VIL1: variants seen among roughly 807,000 people sequenced by gnomAD.
VIL1 encodes villin-1.
VIL1 carries 86 observed loss-of-function variants against 104.0 expected under a neutral mutation model. The observed-to-expected ratio is 0.83, with a 90% confidence interval of 0.69 to 0.99. VIL1 has a LOEUF of 0.99. Among genes scored for constraint, VIL1 ranks in the 50% least tolerant of loss-of-function variants. VIL1 has a pLI of 0.00. For synonymous variants in VIL1, 394 were observed against 412.6 expected (o/e 0.95, Z 0.55); for missense variants, 944 against 1,054.1 (o/e 0.90, Z 1.45).
intron 19 of VIL1, among the ~76,000 whole-genome samples, chr2:218,442,991 T>C (rs1327721316): frequency 6.6e-6 from 1 of 152,172 alleles, no homozygotes; most frequent in African/African-American, 2.4e-5. Context: ...GATCCCTGTA[T>C]GATGACAAGC....
intron 1 of VIL1, among the ~76,000 whole-genome samples, chr2:218,421,627 C>T (rs761967408): frequency 8.5e-5 from 13 of 152,062 alleles, no homozygotes; most frequent in Non-Finnish European, 1.6e-4. Flanking sequence ...GGGTATACAC[C>T]AGGTAGGGGG....
At position 218,440,911 on chromosome 2, in the gene VIL1, C is replaced by T. The variant is rs13012446; in HGVS notation, c.2370+49C>T. 3.1e-3 allele frequency: 4,990 copies of T among 1,603,598 alleles called. 13 individuals carry two copies. The highest frequency in any genetic ancestry group is 3.7e-3 in the Non-Finnish European group (4,340 of 1,174,180). On this transcript the variant is annotated intron_variant, in intron 19 of 19. Transcript: ENST00000248444. ...ACAAAGAAGTCCATTTGTTGGACCA[C>T]CATAGTTGACTCCCAGATTTGGCCC...
chr2:218,440,642 A>G (rs1689270395), intron 18 of VIL1, 80 bp from the exon 19 acceptor site: 2 of 1,575,790 alleles, frequency 1.3e-6, no homozygotes, highest in Non-Finnish European at 1.7e-6. Context: ...GTGGTGCCCT[A>G]GAGACTTCAG....
Position 218,440,729 on chromosome 2 carries a change from CA to C in VIL1, c.2239del (p.Ser747AlafsTer26). 1.9e-6 allele frequency: 3 copies of C among 1,613,918 alleles called. No individual in the cohort carries two copies. The highest frequency in any genetic ancestry group is 2.5e-6 in the Non-Finnish European group (3 of 1,179,882). ...RDWSQITAEV[T>X]SPKVDVFNAN... The stretch of plus-strand genomic sequence containing the variant: ...TTTCCTTTTCTTTCCTAGGAGGTCA[CA>C]AGCCCCAAAGTGGACGTGTTCAATG... On this transcript the variant is annotated frameshift_variant, in exon 19 of 20. Transcript: ENST00000248444. LOFTEE classifies it high-confidence loss of function.
chr2:218,435,401 T>TGGGTG lies in VIL1; in HGVS notation c.1796_1800dup (p.Lys601ValfsTer54). 6.2e-7 allele frequency: 1 copy of TGGGTG among 1,614,108 alleles called. No individual in the cohort carries two copies. The highest frequency in any genetic ancestry group is 8.5e-7 in the Non-Finnish European group (1 of 1,179,988). On this transcript the variant is annotated frameshift_variant, in exon 15 of 20. Coordinates refer to ENST00000248444, the MANE Select transcript of VIL1 (RefSeq NM_007127.3). LOFTEE classifies it high-confidence loss of function. ...GAGCCAGCCAACTTCTGGATGGCCCTGGGTGGGAAGGCCCCCTATGCCAAC... is the reference window on the plus strand; with the variant it reads ...GAGCCAGCCAACTTCTGGATGGCCCTGGGTGGGGTGGGAAGGCCCCCTATGCCAAC...
At chr2:218,421,341 G>T (rs1216216228) in intron 1 of VIL1, among the ~76,000 whole-genome samples, 1 of 152,136 alleles carries the variant, frequency 6.6e-6, no homozygotes, top group African/African-American at 2.4e-5. Flanking sequence ...TGCACAGATG[G>T]CTGACTTTGG....
In VIL1 at chr2:218,446,656, A is replaced by C. The variant is rs186321155; in HGVS notation, c.2371-2567A>C. Among the ~76,000 whole-genome samples, 16 of 152,274 alleles carry C rather than the reference A, an allele frequency of 1.1e-4. No homozygotes were observed. The East Asian group carries it at 2.9e-3, about 28-fold the overall frequency. On this transcript the variant is annotated intron_variant, in intron 19 of 19. Transcript: ENST00000248444. ...TTTACCTTGCAGGTCTGGGAGTTGA[A>C]AGCTGACAAGAGGGCTTTATAGTAT...
Position 218,423,817 on chromosome 2 carries a change from C to T in VIL1, c.39C>T (p.Asn13=). Residue 13 remains asparagine, a synonymous_variant, in exon 2 of 20, where the codon AAC becomes AAT. Coordinates refer to ENST00000248444, the MANE Select transcript of VIL1 (RefSeq NM_007127.3). ...GCGCCCAAGTCAAAGGCTCTCTCAA[C>T]ATCACCACCCCGGGGCTGCAGATAT... ...KLSAQVKGSL[N]ITTPGLQIWR... 4.3e-6 allele frequency: 7 copies of T among 1,614,200 alleles called. No homozygotes were observed. The highest frequency in any genetic ancestry group is 5.1e-6 in the Non-Finnish European group (6 of 1,180,022).
At position 218,437,399 on chromosome 2, in the gene VIL1, T is replaced by C. The variant is rs528914211; in HGVS notation, c.2160+87T>C. On this transcript the variant is annotated intron_variant, in intron 17 of 19. Transcript: ENST00000248444. ...TGCAGGCCATTCTGTCTCTTTGGGA[T>C]ATATGACCTGCTGATTTAGAAAGGG... 24 of 1,482,996 alleles carry C rather than the reference T, an allele frequency of 1.6e-5. No homozygotes were observed. In the East Asian group the frequency reaches 5.5e-4, roughly 34 times the overall value. The allele number at this position is 1,482,996 out of a possible 1,614,324, so 91.9% of individuals were successfully genotyped here. A position where few individuals can be genotyped will look rare whatever the true frequency, so the allele number is the denominator to read the frequency against.
At position 218,440,757 on chromosome 2, in the gene VIL1, T is replaced by A. The variant is rs1689272035; in HGVS notation, c.2265T>A (p.Ala755=). 1.2e-6 allele frequency: 2 copies of A among 1,614,080 alleles called. No homozygotes were observed. Among genetic ancestry groups the A allele is most frequent in the Admixed American group, 1.7e-5 (1 of 60,006 alleles). ...VTSPKVDVFN[A]NSNLSSGPLP... ...GCCCCAAAGTGGACGTGTTCAATGC[T>A]AACAGCAACCTCAGTTCTGGGCCTC... The change falls in exon 19 of 20, where the codon GCT becomes GCA. Residue 755 remains alanine, a synonymous_variant. Coordinates refer to ENST00000248444, the MANE Select transcript of VIL1 (RefSeq NM_007127.3).
Position 218,448,977 on chromosome 2 carries a change from C to T in VIL1, c.2371-246C>T, listed in dbSNP as rs1689417179. ...TTGAGTTCATGCCACTACACTCCAGCCTGGGCAACAGAACAAGACATGGTC... is the reference window on the plus strand; with the variant it reads ...TTGAGTTCATGCCACTACACTCCAGTCTGGGCAACAGAACAAGACATGGTC... On this transcript the variant is annotated intron_variant, in intron 19 of 19. Coordinates refer to ENST00000248444, the MANE Select transcript of VIL1 (RefSeq NM_007127.3). 2.0e-5 allele frequency among the ~76,000 whole-genome samples: 3 copies of T among 150,478 alleles called. No homozygotes were observed. The South Asian group carries it at 6.4e-4, about 32-fold the overall frequency.
chr2:218,434,741 G>A (rs1443756994), intron 14 of VIL1, 36 bp downstream of exon 14: 2 of 1,576,286 alleles, frequency 1.3e-6, no homozygotes, highest in African/African-American at 1.4e-5. Context: ...CCATCCGCAA[G>A]TGGGTCCTGG....
At chr2:218,446,359 C>T (rs533047257) in intron 19 of VIL1, among the ~76,000 whole-genome samples, 82 of 152,072 alleles carry the variant, frequency 5.4e-4, no homozygotes, top group Non-Finnish European at 2.2e-4. Flanking sequence ...CTCAGGCTCC[C>T]GAGTAGCTGA....
intron 13 of VIL1, among the ~76,000 whole-genome samples, chr2:218,434,307 G>A (rs1403499387): frequency 6.6e-6 from 1 of 152,192 alleles, no homozygotes; most frequent in East Asian, 1.9e-4. Flanking sequence ...CAAAGCTGAG[G>A]AGCTGGGCTT....
intron 19 of VIL1, among the ~76,000 whole-genome samples, chr2:218,444,113 G>GC (rs1386596771): frequency 6.6e-6 from 1 of 151,762 alleles, no homozygotes; most frequent in African/African-American, 2.4e-5. Context: ...TTACAGGCGT[G>GC]CGCCACCATA....
At chr2:218,435,114 A>G (rs1183578252) in intron 14 of VIL1, among the ~76,000 whole-genome samples, 175 bp from the exon 15 acceptor site, 2 of 152,056 alleles carry the variant, frequency 1.3e-5, no homozygotes, top group Admixed American at 6.6e-5. Flanking sequence ...TTCTTCTGCT[A>G]TTCTTTGGAG....
rs185340913 is a variant in VIL1 at position 218,452,282 on chromosome 2, A to C, written c.*2946A>C. ...CAAACTGCCTGCAACGGAAGCACTC[A>C]GTCCTTATCTAACTTGTCCCTTCCT... is the stretch of plus-strand genomic sequence containing the variant. On this transcript the variant is annotated 3_prime_UTR_variant, in exon 20 of 20. Transcript: ENST00000248444. 6.6e-6 allele frequency: 1 copy of C among 152,354 alleles called. No homozygotes were observed. Among genetic ancestry groups the C allele is most frequent in the East Asian group, 1.9e-4 (1 of 5,194 alleles). 9.4% of individuals were successfully genotyped at this position (152,354 alleles called of 1,614,324 possible). A position where few individuals can be genotyped will look rare whatever the true frequency, so the allele number is the denominator to read the frequency against.
rs1467249385 is a variant in VIL1, at chr2:218,435,320, A to G, written c.1712A>G (p.Lys571Arg). 2 of 1,614,074 alleles carry G rather than the reference A, an allele frequency of 1.2e-6. No homozygotes were observed. Among genetic ancestry groups the G allele is most frequent in the East Asian group, 2.2e-5 (1 of 44,872 alleles). ...AGCGGGGACGAGCGGGAGATGGCCAAGATGGTTGCTGACACCATCTCCCGG... is the reference window on the plus strand; with the variant it reads ...AGCGGGGACGAGCGGGAGATGGCCAGGATGGTTGCTGACACCATCTCCCGG... ...GCSGDEREMA[K>R]MVADTISRTE... is the part of the protein sequence containing the mutation. Residue 571 changes from lysine to arginine, a missense_variant, in exon 15 of 20, where the codon AAG (lysine) becomes AGG (arginine). By Grantham distance (26) the Lys-to-Arg change is conservative (BLOSUM62 2). Coordinates refer to ENST00000248444, the MANE Select transcript of VIL1 (RefSeq NM_007127.3).
chr2:218,420,676 C>T (rs1168759871), intron 1 of VIL1, among the ~76,000 whole-genome samples: 10 of 151,574 alleles, frequency 6.6e-5, no homozygotes, highest in Non-Finnish European at 1.0e-4. Context: ...GGCTCCACCC[C>T]CTGGGTTCAC....
Sources: allele counts gnomAD v4.1 joint callset (sites outside exome capture counted in the v4.1 genomes callset), GRCh38; gene constraint gnomAD v4.1.1; transcripts MANE v1.5; gene names NCBI Gene and HGNC (gene_info 2026-07-23, HGNC 2026-07-21).